The following LRP1B variants were observed in gnomAD, a reference collection of about 807,000 sequenced individuals.
The protein encoded by LRP1B is low-density lipoprotein receptor-related protein 1B.
A neutral mutation model predicts 556.6 loss-of-function variants in LRP1B; 217 were observed. The ratio of observed to expected loss-of-function variants is 0.39; its 90% CI spans 0.35 to 0.44. LRP1B has a LOEUF of 0.44. Ranked by LOEUF, LRP1B falls within the 20% of genes least tolerant of loss-of-function variation. The pLI is 1.00. For missense variants in LRP1B, 5,053 were observed against 5,620.8 expected (o/e 0.90, Z 3.23); for synonymous variants, 2,047 against 1,865.8 (o/e 1.10, Z -2.50).
chr2:141,263,658 A>G (rs1684781990), intron 3 of LRP1B, among the ~76,000 whole-genome samples: 1 of 152,174 alleles, frequency 6.6e-6, no homozygotes, highest in Non-Finnish European at 1.5e-5. Flanking sequence ...CTAATTTATG[A>G]GGCTGGAATT....
chr2:141,920,688 A>C (rs1700162706), intron 1 of LRP1B, among the ~76,000 whole-genome samples: 1 of 152,014 alleles, frequency 6.6e-6, no homozygotes, highest in Non-Finnish European at 1.5e-5. Context: ...AAAGCTTTTG[A>C]AAGCTATGTA....
chr2:140,621,545 T>G (rs928151615), intron 41 of LRP1B, among the ~76,000 whole-genome samples: 1 of 152,106 alleles, frequency 6.6e-6, no homozygotes, highest in African/African-American at 2.4e-5. Context: ...TGATTAAATT[T>G]ATTCTACCCA....
chr2:141,035,867 T>C (rs1698518953), intron 11 of LRP1B, among the ~76,000 whole-genome samples: 1 of 152,136 alleles, frequency 6.6e-6, no homozygotes, highest in South Asian at 2.1e-4. Flanking sequence ...GATTCACATA[T>C]ATTCACGGAA....
At chr2:140,697,950 T>C (rs1477926665) in intron 41 of LRP1B, among the ~76,000 whole-genome samples, 2 of 152,136 alleles carry the variant, frequency 1.3e-5, no homozygotes, top group Non-Finnish European at 2.9e-5. Context: ...TATGTGGATA[T>C]ACATGTATAT....
chr2:141,030,816 A>T (rs1289738430), intron 11 of LRP1B, among the ~76,000 whole-genome samples: 1 of 152,054 alleles, frequency 6.6e-6, no homozygotes, highest in African/African-American at 2.4e-5. Context: ...TAAAGAAAAA[A>T]TAAAAGTTAA....
At chr2:140,757,079 C>T (rs1024739270) in intron 35 of LRP1B, among the ~76,000 whole-genome samples, 2 of 152,144 alleles carry the variant, frequency 1.3e-5, no homozygotes, top group African/African-American at 4.8e-5. Flanking sequence ...CATCTTTAGG[C>T]ATCAGGGAAA....
chr2:140,303,805 C>T (rs1683946410), intron 83 of LRP1B, among the ~76,000 whole-genome samples: 1 of 151,644 alleles, frequency 6.6e-6, no homozygotes, highest in African/African-American at 2.4e-5. Context: ...CTATCCCTCC[C>T]CCCCTCCTCC....
chr2:140,470,952 T>C (rs189333484), intron 60 of LRP1B, among the ~76,000 whole-genome samples: 16 of 152,314 alleles, frequency 1.1e-4, no homozygotes, highest in Admixed American at 9.2e-4. Flanking sequence ...GAAAGATCAG[T>C]ACTCCAGCAA....
intron 3 of LRP1B, among the ~76,000 whole-genome samples, chr2:141,408,291 C>T (rs1280919493): frequency 5.9e-5 from 9 of 151,876 alleles, no homozygotes; most frequent in African/African-American, 1.5e-4. Flanking sequence ...TACAGGTACC[C>T]GCCACCACGC....
At chr2:141,550,103 T>C (rs1441358127) in intron 2 of LRP1B, among the ~76,000 whole-genome samples, 1 of 152,232 alleles carries the variant, frequency 6.6e-6, no homozygotes, top group Non-Finnish European at 1.5e-5. Context: ...ATTTTATGTT[T>C]GGCTTCAATT....
chr2:141,552,943 T>C (rs139458529), intron 2 of LRP1B, among the ~76,000 whole-genome samples: 74 of 152,000 alleles, frequency 4.9e-4, no homozygotes, highest in African/African-American at 1.6e-3. Flanking sequence ...ATGAGAAACA[T>C]TGAAAGAAGA....
chr2:142,096,638 A>G (rs1184887551), intron 1 of LRP1B, among the ~76,000 whole-genome samples: 1 of 151,716 alleles, frequency 6.6e-6, no homozygotes, highest in Non-Finnish European at 1.5e-5. Flanking sequence ...TCATTTACAC[A>G]TAAGTTTGTC....
At position 140,504,638 on chromosome 2, in the gene LRP1B, T is replaced by C. The variant is rs187103221; in HGVS notation, c.8522-1535A>G. 1.6e-4 allele frequency among the ~76,000 whole-genome samples: 25 copies of C among 152,316 alleles called. No homozygotes were observed. The East Asian group carries it at 4.8e-3, about 29-fold the overall frequency. On this transcript the variant is annotated intron_variant, in intron 53 of 90. Transcript: ENST00000389484. ...AAAGTCTTTATTACATCTCACATCT[T>C]ATTGACAAAATTAACCCTTAACCTC...
intron 1 of LRP1B, among the ~76,000 whole-genome samples, chr2:142,091,735 C>T (rs7581031): frequency 0.67 from 101,788 of 152,016 alleles, 34,251 homozygotes; most frequent in East Asian, 0.71. Flanking sequence ...GCCCAAAAGA[C>T]GTATCATAAT....
chr2:141,799,357 G>C (rs993871719), intron 2 of LRP1B, among the ~76,000 whole-genome samples: 10 of 152,102 alleles, frequency 6.6e-5, no homozygotes, highest in Admixed American at 3.3e-4. Flanking sequence ...CCACAGAAGC[G>C]GAAGCCAGGG....
At chr2:141,976,399 A>G (rs552764591) in intron 1 of LRP1B, among the ~76,000 whole-genome samples, 1 of 152,292 alleles carries the variant, frequency 6.6e-6, no homozygotes, top group Non-Finnish European at 1.5e-5. Flanking sequence ...AATTCTATCA[A>G]TATCCTTTCA....
chr2:141,221,776 C>G (rs1370200428), intron 6 of LRP1B, among the ~76,000 whole-genome samples: 1 of 152,130 alleles, frequency 6.6e-6, no homozygotes, highest in Non-Finnish European at 1.5e-5. Context: ...AAGAAACTCA[C>G]TGAAAATCAC....
chr2:141,247,780 ACACT>A (rs1282313559), intron 4 of LRP1B, among the ~76,000 whole-genome samples: 1 of 152,218 alleles, frequency 6.6e-6, no homozygotes, highest in African/African-American at 2.4e-5. Flanking sequence ...TATGCAAATC[ACACT>A]CACTACTTTA....
chr2:141,210,997 T>C (rs573183878), intron 6 of LRP1B, among the ~76,000 whole-genome samples: 1 of 152,060 alleles, frequency 6.6e-6, no homozygotes, highest in Non-Finnish European at 1.5e-5. Context: ...TTCCTATTAT[T>C]TGTTTATTGA....
Sources: allele counts gnomAD v4.1 joint callset (sites outside exome capture counted in the v4.1 genomes callset), GRCh38; gene constraint gnomAD v4.1.1; transcripts MANE v1.5; gene names NCBI Gene and HGNC (gene_info 2026-07-23, HGNC 2026-07-21).